Variants in C12orf42 observed in about 807,000 individuals in gnomAD.
C12orf42 encodes chromosome 12 open reading frame 42.
C12orf42 carries 25 observed loss-of-function variants against 21.6 expected under a neutral mutation model. The ratio of observed to expected loss-of-function variants is 1.16; its 90% CI spans 0.84 to 1.62. The LOEUF (loss-of-function observed/expected upper bound fraction) is 1.62, where lower values mean the gene tolerates loss of function less well. Ranked by LOEUF, C12orf42 falls within the 40% of genes most tolerant of loss-of-function variation. The pLI, the probability that C12orf42 is intolerant of heterozygous loss-of-function variation, is 0.00. For missense variants in C12orf42, 483 were observed against 459.3 expected (o/e 1.05, Z -0.47); for synonymous variants, 174 against 175.0 (o/e 0.99, Z 0.05).
chr12:103,096,875 A>G, the C12orf42 span, among the ~76,000 whole-genome samples: 1 of 152,110 alleles, frequency 6.6e-6, no homozygotes, highest in African/African-American at 2.4e-5. Context: ...AGGGCCAACA[A>G]CTAGTGTCTT....
the C12orf42 span, chr12:103,505,397 G>A: frequency 8.8e-6 from 3 of 340,796 alleles, no homozygotes; most frequent in African/African-American, 4.6e-5. Flanking sequence ...TGACCCCATA[G>A]TGTTGGGTTA....
intron 10 of C12orf42, among the ~76,000 whole-genome samples, chr12:103,260,380 C>T (rs189863364): frequency 6.6e-6 from 1 of 152,238 alleles, no homozygotes; most frequent in Admixed American, 6.5e-5. Context: ...AATTTAATAT[C>T]TTCACATATG....
the C12orf42 span, among the ~76,000 whole-genome samples, chr12:103,170,583 A>G: frequency 6.6e-6 from 1 of 151,910 alleles, no homozygotes; most frequent in Non-Finnish European, 1.5e-5. Flanking sequence ...GATCCTTTAA[A>G]AAAAAAAGCC....
At chr12:103,291,328 A>G (rs2136366501) in intron 4 of C12orf42, among the ~76,000 whole-genome samples, 1 of 152,336 alleles carries the variant, frequency 6.6e-6, no homozygotes, top group East Asian at 1.9e-4. Flanking sequence ...CCATAGAAGT[A>G]TTGGGAAAAT....
At chr12:103,225,445 T>C in the C12orf42 span, among the ~76,000 whole-genome samples, 6 of 151,736 alleles carry the variant, frequency 4.0e-5, no homozygotes, top group East Asian at 1.2e-3. Context: ...AGGGTAAGGG[T>C]GATTAGGTTT....
intron 2 of C12orf42, chr12:103,431,287 C>G (rs1950245531): frequency 6.6e-6 from 1 of 152,110 alleles, no homozygotes; most frequent in South Asian, 2.1e-4. Context: ...CATTAGGAGA[C>G]CATAATCACA....
chr12:103,563,573 C>T, the C12orf42 span, among the ~76,000 whole-genome samples: 1 of 152,214 alleles, frequency 6.6e-6, no homozygotes, highest in East Asian at 1.9e-4. Context: ...TCTTAGCTCA[C>T]TCATGCAGCT....
the C12orf42 span, among the ~76,000 whole-genome samples, chr12:103,116,463 G>A: frequency 6.6e-6 from 1 of 151,246 alleles, no homozygotes; most frequent in Non-Finnish European, 1.5e-5. Flanking sequence ...GTCTGTCAGT[G>A]TGTCATAGAG....
At chr12:103,074,575 G>C in the C12orf42 span, among the ~76,000 whole-genome samples, 1 of 152,058 alleles carries the variant, frequency 6.6e-6, no homozygotes, top group Non-Finnish European at 1.5e-5. Flanking sequence ...TGGACAAAAA[G>C]ACTCCTATTA....
At chr12:103,509,272 C>T in the C12orf42 span, among the ~76,000 whole-genome samples, 1 of 152,060 alleles carries the variant, frequency 6.6e-6, no homozygotes, top group South Asian at 2.1e-4. Context: ...ACTGAAGAAT[C>T]AGGAAAAAAT....
chr12:103,540,240 T>G, the C12orf42 span, among the ~76,000 whole-genome samples: 1 of 152,176 alleles, frequency 6.6e-6, no homozygotes, highest in Non-Finnish European at 1.5e-5. Context: ...ACTCCTGACC[T>G]CATGATCTGC....
At chr12:103,299,486 T>C (rs1458685093), downstream of C12orf42, among the ~76,000 whole-genome samples, 1 of 152,162 alleles carries the variant, frequency 6.6e-6, no homozygotes, top group African/African-American at 2.4e-5. Flanking sequence ...AATGCAACTT[T>C]CATAAAAATA....
the C12orf42 span, among the ~76,000 whole-genome samples, chr12:103,098,909 T>G: frequency 1.3e-5 from 2 of 152,078 alleles, no homozygotes; most frequent in African/African-American, 4.8e-5. Context: ...AAGACTGGAG[T>G]TGTAAGCAGT....
chr12:103,087,958 T>C, the C12orf42 span, among the ~76,000 whole-genome samples: 4 of 152,248 alleles, frequency 2.6e-5, no homozygotes, highest in African/African-American at 4.8e-5. Flanking sequence ...GTACTAAATA[T>C]ACGTTTTGCA....
At chr12:103,530,463 G>A in the C12orf42 span, among the ~76,000 whole-genome samples, 1 of 152,206 alleles carries the variant, frequency 6.6e-6, no homozygotes, top group South Asian at 2.1e-4. Flanking sequence ...AGCACAAACA[G>A]CCATCATTTG....
chr12:103,326,083 T>G (rs2040668006), intron 4 of C12orf42, among the ~76,000 whole-genome samples: 1 of 152,206 alleles, frequency 6.6e-6, no homozygotes, highest in South Asian at 2.1e-4. Flanking sequence ...CACAACAATT[T>G]GATGAGGTTA....
At chr12:103,441,033 T>C (rs1203119711) in intron 2 of C12orf42, among the ~76,000 whole-genome samples, 1 of 152,180 alleles carries the variant, frequency 6.6e-6, no homozygotes, top group East Asian at 1.9e-4. Flanking sequence ...TACTTTTCAT[T>C]TACCTAGCAA....
intron 1 of C12orf42, among the ~76,000 whole-genome samples, chr12:103,484,854 C>A (rs1254444211): frequency 2.9e-5 from 4 of 136,708 alleles, no homozygotes; most frequent in African/African-American, 1.1e-4. Flanking sequence ...AGGAAGGGAT[C>A]TGGTTTCAGT....
At chr12:103,348,188 A>G (rs2042799245) in intron 4 of C12orf42, among the ~76,000 whole-genome samples, 1 of 152,196 alleles carries the variant, frequency 6.6e-6, no homozygotes, top group African/African-American at 2.4e-5. Flanking sequence ...TGTATAAGAA[A>G]GAGATAAGAA....
Sources: allele counts gnomAD v4.1 joint callset (sites outside exome capture counted in the v4.1 genomes callset), GRCh38; gene constraint gnomAD v4.1.1; transcripts MANE v1.5; gene names NCBI Gene and HGNC (gene_info 2026-07-23, HGNC 2026-07-21).